The following DDX21 variants were observed in gnomAD, a reference collection of about 807,000 sequenced individuals.
The protein encoded by DDX21 is DExD-box helicase 21.
In DDX21, 18 loss-of-function variants were observed where a neutral mutation model predicts 90.0. The observed-to-expected ratio is 0.20, with a 90% CI of 0.14 to 0.30. The LOEUF is 0.30. Among genes scored for constraint, DDX21 ranks in the 10% least tolerant of loss-of-function variants. The pLI is 1.00. For missense variants in DDX21, 673 were observed against 944.5 expected, an observed-to-expected ratio of 0.71 and a Z score of 3.77; for synonymous variants, 294 against 318.0, an observed-to-expected ratio of 0.92 and a Z score of 0.80.
At chr10:68,958,299 C>T (rs558545010) in intron 1 of DDX21, among the ~76,000 whole-genome samples, 4 of 151,926 alleles carry the variant, frequency 2.6e-5, no homozygotes, top group Non-Finnish European at 5.9e-5. Flanking sequence ...GAGACAGAGT[C>T]TTACTGTCAC....
intron 11 of DDX21, 43 bp downstream of exon 11, chr10:68,974,786 C>A: frequency 6.5e-7 from 1 of 1,529,378 alleles, no homozygotes; most frequent in Non-Finnish European, 9.0e-7. Context: ...AGTGTTGGTT[C>A]AAATACTGCA....
At chr10:68,964,101 GAAAA>G (rs750726882) in intron 4 of DDX21, 164 of 236,318 alleles carry the variant, frequency 6.9e-4, no homozygotes, top group East Asian at 1.2e-3. Flanking sequence ...TCCGTCTCAA[GAAAA>G]AAAAAAAAAA....
rs895785374 is a variant in DDX21, at chr10:68,982,813, T to C, written c.*1T>C. On this transcript the variant is annotated 3_prime_UTR_variant, in exon 15 of 15. Coordinates refer to ENST00000354185, the MANE Select transcript of DDX21 (RefSeq NM_004728.4). Reference sequence around the variant, plus strand: ...TTTCAGTAAAGCATTTGGTCAATAATTAGAAATAGAAGATTTATATAGCAA... The same window carrying C: ...TTTCAGTAAAGCATTTGGTCAATAACTAGAAATAGAAGATTTATATAGCAA... 1.2e-6 allele frequency: 2 copies of C among 1,613,524 alleles called. No homozygotes were observed. Among genetic ancestry groups the C allele is most frequent in the African/African-American group, 1.3e-5 (1 of 74,954 alleles).
At chr10:68,963,613 G>A (rs1842900825) in intron 4 of DDX21, 144 bp downstream of exon 4, 2 of 584,872 alleles carry the variant, frequency 3.4e-6, no homozygotes, top group South Asian at 7.0e-5. Flanking sequence ...AGTAATCCAG[G>A]ACAATTCTTT....
chr10:68,969,028 G>A lies in DDX21; in HGVS notation c.1143G>A (p.Trp381Ter). 6.2e-7 allele frequency: 1 copy of A among 1,613,766 alleles called. No individual in the cohort carries two copies. The highest frequency in any genetic ancestry group is 8.5e-7 in the Non-Finnish European group (1 of 1,179,880). Residue 381 changes from tryptophan (W) to a stop codon, truncating the protein, a stop_gained, in exon 7 of 15, where the codon TGG (tryptophan) becomes TGA (stop). Transcript: ENST00000354185. LOFTEE classifies it high-confidence loss of function. The part of the protein sequence containing the change: ...TLLFSATCPH[W>*]VFNVAKKYMK... ...TTTTTTCTGCAACTTGCCCTCATTG[G>A]GTATTTAATGTTGCCAAGAAATACA...
intron 6 of DDX21, among the ~76,000 whole-genome samples, chr10:68,968,094 C>G (rs1279490402): frequency 6.6e-6 from 1 of 151,074 alleles, no homozygotes; most frequent in African/African-American, 2.4e-5. Flanking sequence ...TGGTCTTGAA[C>G]TCTTGGACTC....
rs1460075066 is a variant in DDX21 at position 68,959,733 on chromosome 10, C to G, written c.88-73C>G. 13 of 1,111,662 alleles carry G rather than the reference C, an allele frequency of 1.2e-5. No homozygotes were observed. In the African/African-American group the frequency reaches 1.9e-4, roughly 17 times the overall value. The allele number at this position is 1,111,662 out of a possible 1,614,324, so 68.9% of individuals were successfully genotyped here. ...AGTTGAAAATGATCTTGAAATAATCCAGAATTGATGAATGTTGCAAATGTA... is the reference window on the plus strand; with the variant it reads ...AGTTGAAAATGATCTTGAAATAATCGAGAATTGATGAATGTTGCAAATGTA... On this transcript the variant is annotated intron_variant, in intron 1 of 14. Coordinates refer to ENST00000354185, the MANE Select transcript of DDX21 (RefSeq NM_004728.4).
chr10:68,967,737 A>T (rs1842958807), intron 6 of DDX21, among the ~76,000 whole-genome samples: 1 of 152,138 alleles, frequency 6.6e-6, no homozygotes, highest in Non-Finnish European at 1.5e-5. Context: ...TGTTGATTAT[A>T]CTCTGACTAT....
In DDX21 at chr10:68,973,645, T is replaced by C; in HGVS notation, c.1649T>C (p.Val550Ala). ...FYQHKEEYQL[V>A]QVEQKAGIKF... ...CAGCACAAGGAAGAATATCAGTTAG[T>C]ACAAGTGGAGCAAAAAGCGGTAAAA... The change falls in exon 10 of 15, where the codon GTA becomes GCA. Residue 550 changes from valine (V) to alanine (A), a missense_variant. Physicochemically the swap from Val to Ala is moderately conservative, Grantham distance 64. Around this residue, in one of 4 missense-constraint regions of DDX21, gnomAD observed 225 missense variants for 298.8 expected, o/e 0.75. Transcript: ENST00000354185. The C allele has an allele frequency of 6.2e-7, 1 of 1,613,898 alleles. No individual in the cohort carries two copies. Among genetic ancestry groups the C allele is most frequent in the Non-Finnish European group, 8.5e-7 (1 of 1,179,872 alleles).
intron 1 of DDX21, 55 bp downstream of exon 1, chr10:68,956,367 G>A: frequency 6.2e-7 from 1 of 1,608,572 alleles, no homozygotes; most frequent in Non-Finnish European, 8.5e-7. Flanking sequence ...GGAACCCCGG[G>A]GTGCGGGAGA....
rs780127993 is a variant in DDX21 at position 68,982,673 on chromosome 10, G to A, written c.2213G>A (p.Arg738Gln). ...REGSRGFRGQRDGNRRFRGQR... is the reference protein window; with the variant it reads ...REGSRGFRGQQDGNRRFRGQR... Reference sequence around the variant, plus strand: ...GGCAGTCGAGGCTTCAGGGGACAGCGGGACGGAAACAGAAGATTCAGAGGA... The same window carrying A: ...GGCAGTCGAGGCTTCAGGGGACAGCAGGACGGAAACAGAAGATTCAGAGGA... The change falls in exon 15 of 15, where the codon CGG becomes CAG. Residue 738 changes from arginine (R) to glutamine (Q), a missense_variant. Around this residue, in one of 4 missense-constraint regions of DDX21, gnomAD observed 225 missense variants for 298.8 expected, o/e 0.75. Coordinates refer to ENST00000354185, the MANE Select transcript of DDX21 (RefSeq NM_004728.4). The A allele has an allele frequency of 7.4e-6, 12 of 1,613,866 alleles. No homozygotes were observed. The highest frequency in any genetic ancestry group is 4.0e-5 in the African/African-American group (3 of 74,826).
At chr10:68,973,358 C>CA (rs1182265766) in intron 9 of DDX21, among the ~76,000 whole-genome samples, 187 bp from the exon 10 acceptor site, 46 of 152,290 alleles carry the variant, frequency 3.0e-4, no homozygotes, top group Admixed American at 2.1e-3. Flanking sequence ...GCCTGCAGGA[C>CA]AGGGACCATT....
At chr10:68,973,433 A>G in intron 9 of DDX21, 112 bp from the exon 10 acceptor site, 1 of 1,351,646 alleles carries the variant, frequency 7.4e-7, no homozygotes, top group Middle Eastern at 2.1e-4. Flanking sequence ...CTTCTCCCTC[A>G]TGTCCCCAGG....
At chr10:68,962,869 C>T (rs1842890683) in intron 3 of DDX21, among the ~76,000 whole-genome samples, 1 of 152,152 alleles carries the variant, frequency 6.6e-6, no homozygotes, top group Non-Finnish European at 1.5e-5. Flanking sequence ...TTGCAAAGCA[C>T]CAGATTTTCA....
chr10:68,960,243 A>G lies in DDX21; in HGVS notation c.525A>G (p.Ile175Met). The change falls in exon 2 of 15, where the codon ATA becomes ATG. Residue 175 changes from isoleucine (I) to methionine (M), a missense_variant. Coordinates refer to ENST00000354185, the MANE Select transcript of DDX21 (RefSeq NM_004728.4). ...EAASEESNSE[I>M]EQEIPVEQKE... ...CCAGTGAAGAAAGTAACAGTGAGATAGAGCAGGTACATTTGCACTTCATTG... is the reference window on the plus strand; with the variant it reads ...CCAGTGAAGAAAGTAACAGTGAGATGGAGCAGGTACATTTGCACTTCATTG... The G allele has an allele frequency of 1.9e-6, 3 of 1,596,510 alleles. No individual in the cohort carries two copies. The highest frequency in any genetic ancestry group is 1.7e-6 in the Non-Finnish European group (2 of 1,175,364).
intron 13 of DDX21, among the ~76,000 whole-genome samples, chr10:68,980,676 G>T (rs961243772): frequency 6.6e-6 from 1 of 152,034 alleles, no homozygotes; most frequent in Admixed American, 6.5e-5. Flanking sequence ...ATTTTTAGAC[G>T]ATTTCCTTGA....
At chr10:68,969,799 G>T in intron 7 of DDX21, among the ~76,000 whole-genome samples, 1 of 152,154 alleles carries the variant, frequency 6.6e-6, no homozygotes, top group South Asian at 2.1e-4. Flanking sequence ...TTTCACTGAG[G>T]AACAGACCTG....
chr10:68,970,955 ATTTTTTTTTTTTT>A (rs56314802), intron 8 of DDX21, among the ~76,000 whole-genome samples: 29 of 72,554 alleles, frequency 4.0e-4, no homozygotes, highest in South Asian at 6.1e-4. Context: ...GCCCAGCCTA[ATTTTTTTTTTTTT>A]TTTTTTTTTT....
intron 8 of DDX21, 103 bp from the exon 9 acceptor site, chr10:68,971,788 A>G (rs1003634320): frequency 6.9e-5 from 79 of 1,142,204 alleles, no homozygotes; most frequent in Non-Finnish European, 9.8e-5. Flanking sequence ...TTCAACAGGC[A>G]TGTCACCAAA....
Sources: gnomAD v4.1 joint callset for allele counts (sites outside exome capture counted in the v4.1 genomes callset) on GRCh38, gnomAD v4.1.1 for gene constraint, gnomAD v4.1.1 regional missense constraint, MANE v1.5 for transcripts, NCBI Gene and HGNC (gene_info 2026-07-23, HGNC 2026-07-21) for gene names.